The following ST6GAL1 variants were observed in gnomAD, a reference collection of about 807,000 sequenced individuals.
ST6GAL1 encodes the protein ST6 beta-galactoside alpha-2,6-sialyltransferase 1, also known as beta-galactoside alpha-2,6-sialyltransferase 1.
ST6GAL1 carries 20 observed loss-of-function variants against 38.0 expected under a neutral mutation model. That is an observed-to-expected ratio of 0.53 (90% CI 0.37 to 0.77). The LOEUF (loss-of-function observed/expected upper bound fraction) is 0.77. Among genes scored for constraint, ST6GAL1 ranks in the 30% least tolerant of loss-of-function variants. The pLI is 0.00. For synonymous variants in ST6GAL1, 196 were observed against 188.2 expected, an observed-to-expected ratio of 1.04 and a Z score of -0.34; for missense variants, 432 against 496.4, an observed-to-expected ratio of 0.87 and a Z score of 1.23.
chr3:186,978,821 T>A (rs994617820), intron 2 of ST6GAL1, among the ~76,000 whole-genome samples: 13 of 152,160 alleles, frequency 8.5e-5, no homozygotes, highest in South Asian at 2.1e-4. Flanking sequence ...CTGTCCCACC[T>A]CACAGCTTCT....
chr3:187,008,606 C>G (rs1716859690), intron 2 of ST6GAL1, among the ~76,000 whole-genome samples: 2 of 152,118 alleles, frequency 1.3e-5, no homozygotes, highest in Admixed American at 1.3e-4. Context: ...CAGGAGCTCT[C>G]CTCTTAAAGA....
intron 2 of ST6GAL1, among the ~76,000 whole-genome samples, chr3:186,966,239 T>C (rs62292591): frequency 0.073 from 11,074 of 152,222 alleles, 562 homozygotes; most frequent in Non-Finnish European, 0.1. Context: ...GATCTATTTA[T>C]GACAAAGGGA....
At chr3:187,056,171 C>T (rs972638472) in intron 5 of ST6GAL1, among the ~76,000 whole-genome samples, 4 of 152,120 alleles carry the variant, frequency 2.6e-5, no homozygotes, top group African/African-American at 9.7e-5. Flanking sequence ...AGATCTTCCT[C>T]CATCCCTTTA....
intron 2 of ST6GAL1, among the ~76,000 whole-genome samples, chr3:187,011,107 G>T (rs111351878): frequency 0.012 from 1,779 of 152,154 alleles, 26 homozygotes; most frequent in African/African-American, 0.041. Context: ...CAAGTGATTC[G>T]CTTGCCTCAG....
chr3:187,010,035 G>A (rs2108558059), intron 2 of ST6GAL1, among the ~76,000 whole-genome samples: 1 of 152,088 alleles, frequency 6.6e-6, no homozygotes, highest in Admixed American at 6.5e-5. Context: ...CCTTTGTGTG[G>A]ACATTTCATA....
intron 2 of ST6GAL1, among the ~76,000 whole-genome samples, chr3:186,979,631 C>T (rs1262434424): frequency 6.6e-6 from 1 of 152,206 alleles, no homozygotes; most frequent in East Asian, 1.9e-4. Context: ...TGCGTAATAG[C>T]TGCTCCTAAG....
chr3:186,999,434 C>T (rs893196689), intron 2 of ST6GAL1, among the ~76,000 whole-genome samples: 237 of 137,266 alleles, frequency 1.7e-3, no homozygotes, highest in African/African-American at 6.0e-3. Flanking sequence ...TTTTTTGAGA[C>T]GGAGTCTCAC....
intron 2 of ST6GAL1, among the ~76,000 whole-genome samples, chr3:187,033,353 C>T (rs144087895): frequency 6.7e-6 from 1 of 149,646 alleles, no homozygotes; most frequent in South Asian, 2.1e-4. Flanking sequence ...GTGGAGCTTG[C>T]AGTGAGCCAA....
chr3:187,066,601 CGTGTGTGTGT>C (rs3055152), intron 5 of ST6GAL1, among the ~76,000 whole-genome samples: 6 of 148,730 alleles, frequency 4.0e-5, no homozygotes, highest in Admixed American at 6.7e-5. Context: ...TGCGTGCGTG[CGTGTGTGTGT>C]GTGTGTGTGT....
At chr3:186,941,082 T>G (rs1714155706) in intron 1 of ST6GAL1, among the ~76,000 whole-genome samples, 1 of 152,098 alleles carries the variant, frequency 6.6e-6, no homozygotes, top group Admixed American at 6.6e-5. Flanking sequence ...GGAAGGTTAT[T>G]TTTGGAGATA....
intron 2 of ST6GAL1, among the ~76,000 whole-genome samples, chr3:186,988,144 T>A (rs1313389026): frequency 1.3e-5 from 2 of 152,204 alleles, no homozygotes; most frequent in Non-Finnish European, 2.9e-5. Context: ...GTGGTGGTAA[T>A]TAACTTAAAA....
chr3:187,039,496 C>T (rs1010830018), intron 3 of ST6GAL1, among the ~76,000 whole-genome samples: 3 of 152,088 alleles, frequency 2.0e-5, no homozygotes, highest in South Asian at 2.1e-4. Flanking sequence ...AGGGATAGTG[C>T]GGAAGGGGAG....
At chr3:187,062,806 A>C (rs1718968169) in intron 5 of ST6GAL1, among the ~76,000 whole-genome samples, 1 of 149,934 alleles carries the variant, frequency 6.7e-6, no homozygotes, top group South Asian at 2.1e-4. Context: ...AGTCAATGTT[A>C]TGTTATATGT....
intron 2 of ST6GAL1, among the ~76,000 whole-genome samples, chr3:187,035,102 C>T (rs1459454707): frequency 6.6e-6 from 1 of 152,084 alleles, no homozygotes; most frequent in Non-Finnish European, 1.5e-5. Context: ...TTTCCATAAC[C>T]AGTAATTTTC....
At chr3:186,989,500 T>C (rs887770524) in intron 2 of ST6GAL1, among the ~76,000 whole-genome samples, 2 of 152,172 alleles carry the variant, frequency 1.3e-5, no homozygotes, top group Non-Finnish European at 2.9e-5. Context: ...ATTCATCAGA[T>C]AGAGGATTGG....
In ST6GAL1 at chr3:187,076,408, G is replaced by C. The variant is rs1719562738; in HGVS notation, c.*605G>C. On this transcript the variant is annotated 3_prime_UTR_variant, in exon 8 of 8. Coordinates refer to ENST00000169298, the MANE Select transcript of ST6GAL1 (RefSeq NM_173216.2). ...TTAGACTGGGTGCTTATGATTAAAG[G>C]GTCTTGGTTAGCCCACTTTCCCTCT... The C allele has an allele frequency of 6.3e-6, 1 of 159,474 alleles. No individual in the cohort carries two copies. The highest frequency in any genetic ancestry group is 1.4e-5 in the Non-Finnish European group (1 of 73,470). The allele number at this position is 159,474 out of a possible 1,614,324, so 9.9% of individuals were successfully genotyped here. A position where few individuals can be genotyped will look rare whatever the true frequency, so the allele number is the denominator to read the frequency against.
chr3:186,999,019 C>G (rs1204106933), intron 2 of ST6GAL1, among the ~76,000 whole-genome samples: 1 of 152,256 alleles, frequency 6.6e-6, no homozygotes, highest in Non-Finnish European at 1.5e-5. Flanking sequence ...CCTCCTCTTC[C>G]CACTGTGGCC....
intron 5 of ST6GAL1, 127 bp downstream of exon 5, chr3:187,051,473 T>G: frequency 1.3e-6 from 1 of 755,786 alleles, no homozygotes; most frequent in Admixed American, 2.4e-5. Flanking sequence ...GAGTTCCTGA[T>G]TCCTCACTGG....
intron 2 of ST6GAL1, among the ~76,000 whole-genome samples, chr3:186,987,099 G>C (rs1278058448): frequency 7.0e-6 from 1 of 143,462 alleles, no homozygotes; most frequent in African/African-American, 2.5e-5. Flanking sequence ...TACCATTTCT[G>C]AGAGAAGTCA....
Sources: gnomAD v4.1 joint callset for allele counts (sites outside exome capture counted in the v4.1 genomes callset) on GRCh38, gnomAD v4.1.1 for gene constraint, MANE v1.5 for transcripts, NCBI Gene and HGNC (gene_info 2026-07-23, HGNC 2026-07-21) for gene names.